The following RIC3 variants were observed in gnomAD, a reference collection of about 807,000 sequenced individuals.
RIC3 encodes RIC3 acetylcholine receptor chaperone.
A neutral mutation model predicts 27.3 loss-of-function variants in RIC3; 28 were observed. The observed-to-expected ratio is 1.02, with a 90% confidence interval of 0.76 to 1.41. RIC3 has a LOEUF of 1.41. Ranked by LOEUF, RIC3 falls within the 40% of genes most tolerant of loss-of-function variation. The pLI is 0.00. For synonymous variants in RIC3, 184 were observed against 160.4 expected, an observed-to-expected ratio of 1.15 and a Z score of -1.11; for missense variants, 501 against 444.7, an observed-to-expected ratio of 1.13 and a Z score of -1.14.
At chr11:8,096,053 G>A in the RIC3 span, among the ~76,000 whole-genome samples, 2 of 152,332 alleles carry the variant, frequency 1.3e-5, no homozygotes, top group East Asian at 1.9e-4. Context: ...GGTGGCAGAG[G>A]GAAGAAGCCT....
chr11:8,120,644 T>G (rs1946334660), intron 5 of RIC3, among the ~76,000 whole-genome samples: 3 of 152,024 alleles, frequency 2.0e-5, no homozygotes, highest in African/African-American at 7.2e-5. Context: ...ACCTGCACGT[T>G]GTACACATGT....
chr11:8,114,649 A>G (rs1247410792), intron 5 of RIC3, among the ~76,000 whole-genome samples: 1 of 151,804 alleles, frequency 6.6e-6, no homozygotes, highest in African/African-American at 2.4e-5. Flanking sequence ...AAGACACATG[A>G]ACTGCCTGAC....
intron 4 of RIC3, chr11:8,135,579 G>A (rs1470455675): frequency 6.6e-6 from 1 of 152,100 alleles, no homozygotes; most frequent in Non-Finnish European, 1.5e-5. Flanking sequence ...TGGGCAGTAT[G>A]GCCATTTTCA....
chr11:8,104,687 C>G (rs1266385488), downstream of RIC3: 1 of 152,132 alleles, frequency 6.6e-6, no homozygotes, highest in Non-Finnish European at 1.5e-5. Context: ...TTTCAGTTCC[C>G]GCTCTGCATT....
the RIC3 span, chr11:8,096,932 C>T: frequency 1.8e-6 from 2 of 1,100,132 alleles, no homozygotes; most frequent in Non-Finnish European, 2.7e-6. Flanking sequence ...TTATGTCCCT[C>T]TACCTTGCCT....
At chr11:8,165,420 CGTCA>C (rs56298240) in intron 1 of RIC3, among the ~76,000 whole-genome samples, 51,283 of 151,790 alleles carry the variant, frequency 0.34, 8,865 homozygotes, top group East Asian at 0.49. Context: ...AGTTAAAAGA[CGTCA>C]GTCACAAAAG....
intron 4 of RIC3, among the ~76,000 whole-genome samples, chr11:8,131,199 T>C (rs896595531): frequency 5.3e-5 from 8 of 152,202 alleles, no homozygotes; most frequent in African/African-American, 1.9e-4. Context: ...TGCTAAGCTC[T>C]ACAGCTAAGA....
In RIC3 at chr11:8,140,924, C is replaced by A. The variant is rs1239044092; in HGVS notation, c.125-731G>T. 2.7e-5 allele frequency among the ~76,000 whole-genome samples: 4 copies of A among 150,158 alleles called. No individual in the cohort carries two copies. The Admixed American group carries it at 2.7e-4, about 10-fold the overall frequency. On this transcript the variant is annotated intron_variant, in intron 1 of 5. Transcript: ENST00000309737. ...TTTCAACCCAGAATTTCATATCCAGCCAAACTAAGCTTCATAAGTGAAGGA... is the reference window on the plus strand; with the variant it reads ...TTTCAACCCAGAATTTCATATCCAGACAAACTAAGCTTCATAAGTGAAGGA...
chr11:8,128,911 C>T (rs576039363), intron 4 of RIC3, among the ~76,000 whole-genome samples: 34 of 151,964 alleles, frequency 2.2e-4, no homozygotes, highest in African/African-American at 7.5e-4. Flanking sequence ...CCAGCCACCT[C>T]GCCTGGCTAA....
intron 4 of RIC3, among the ~76,000 whole-genome samples, chr11:8,130,832 G>A (rs1221635649): frequency 6.6e-6 from 1 of 152,066 alleles, no homozygotes; most frequent in African/African-American, 2.4e-5. Context: ...AAAGGTACAG[G>A]TATTTTAGAG....
intron 1 of RIC3, among the ~76,000 whole-genome samples, chr11:8,158,651 G>A (rs1036206318): frequency 1.3e-5 from 2 of 149,982 alleles, no homozygotes; most frequent in African/African-American, 4.9e-5. Context: ...GAGAACCTCA[G>A]GAGAATGAGA....
intron 1 of RIC3, among the ~76,000 whole-genome samples, chr11:8,141,816 A>G (rs1213071093): frequency 6.6e-6 from 1 of 152,246 alleles, no homozygotes; most frequent in African/African-American, 2.4e-5. Context: ...AACAGAGATT[A>G]TAACAAACTC....
At chr11:8,133,839 G>C (rs961457717) in intron 4 of RIC3, among the ~76,000 whole-genome samples, 2 of 152,128 alleles carry the variant, frequency 1.3e-5, no homozygotes. Flanking sequence ...CTGAATGGTG[G>C]AGTAATTTGA....
chr11:8,103,747 T>G (rs4758291), downstream of RIC3: 15,300 of 152,708 alleles, frequency 0.1, 986 homozygotes, highest in African/African-American at 0.17. Context: ...TTTGAGATGA[T>G]GGAAACTAGA....
chr11:8,147,793 T>C (rs1216664029), intron 1 of RIC3, among the ~76,000 whole-genome samples: 1 of 150,134 alleles, frequency 6.7e-6, no homozygotes, highest in Non-Finnish European at 1.5e-5. Flanking sequence ...AGTGGCGCGA[T>C]CTCGGCTCAT....
At chr11:8,105,398 G>A (rs1944513855), downstream of RIC3, 1 of 152,216 alleles carries the variant, frequency 6.6e-6, no homozygotes, top group Non-Finnish European at 1.5e-5. Flanking sequence ...AATAAGCCAA[G>A]GGCTAGGCTC....
Position 8,106,282 on chromosome 11 carries a change from G to GTTTACTTCCTAATTTTTTTCT in RIC3, c.*4395_*4415dup. ...TTTTCATAAAGGGGAAAAAAGCCCT[G>GTTTACTTCCTAATTTTTTTCT]TTTACTTCCTAATTTTTTTCTATAC... is the stretch of plus-strand genomic sequence containing the variant. On this transcript the variant is annotated 3_prime_UTR_variant, in exon 6 of 6. Transcript: ENST00000309737. 6.6e-6 allele frequency: 1 copy of GTTTACTTCCTAATTTTTTTCT among 152,228 alleles called. No individual in the cohort carries two copies. The highest frequency in any genetic ancestry group is 2.1e-4 in the South Asian group (1 of 4,814). 9.4% of individuals were successfully genotyped at this position (152,228 alleles called of 1,614,324 possible).
chr11:8,112,035 A>G (rs1945326482), intron 5 of RIC3, among the ~76,000 whole-genome samples: 1 of 152,108 alleles, frequency 6.6e-6, no homozygotes, highest in African/African-American at 2.4e-5. Flanking sequence ...AACGTAAACC[A>G]TTTTTTGCCT....
intron 3 of RIC3, 79 bp from the exon 4 acceptor site, chr11:8,137,550 G>C (rs1948571183): frequency 9.2e-7 from 1 of 1,082,500 alleles, no homozygotes. Context: ...TTTTTAAAAA[G>C]CTATTGTACT....
Sources: gnomAD v4.1 joint callset for allele counts (sites outside exome capture counted in the v4.1 genomes callset) on GRCh38, gnomAD v4.1.1 for gene constraint, MANE v1.5 for transcripts, NCBI Gene and HGNC (gene_info 2026-07-23, HGNC 2026-07-21) for gene names.